HMCN1: variants seen among roughly 807,000 people sequenced by gnomAD.
The protein encoded by HMCN1 is hemicentin 1, also known as hemicentin-1.
In HMCN1, 321 loss-of-function variants were observed where a neutral mutation model predicts 625.9. The observed-to-expected ratio is 0.51, with a 90% CI of 0.47 to 0.56. The LOEUF (loss-of-function observed/expected upper bound fraction) is 0.56, where lower values mean the gene tolerates loss of function less well. Among genes scored for constraint, HMCN1 ranks in the 20% least tolerant of loss-of-function variants. The pLI, the probability that HMCN1 is intolerant of heterozygous loss-of-function variation, is 0.00. For missense variants in HMCN1, 6,588 were observed against 6,887.3 expected, an observed-to-expected ratio of 0.96 and a Z score of 1.54; for synonymous variants, 2,425 against 2,417.6, an observed-to-expected ratio of 1.00 and a Z score of -0.09.
chr1:185,930,513 G>T (rs890009423), intron 10 of HMCN1, among the ~76,000 whole-genome samples: 2 of 152,102 alleles, frequency 1.3e-5, no homozygotes, highest in African/African-American at 4.8e-5. Context: ...AGGAAATAAA[G>T]CATTATTTAA....
intron 16 of HMCN1, among the ~76,000 whole-genome samples, chr1:185,979,466 T>G (rs1006837705): frequency 1.3e-5 from 2 of 152,132 alleles, no homozygotes; most frequent in Non-Finnish European, 2.9e-5. Flanking sequence ...ATAAAAGAGC[T>G]CAATATCTTG....
chr1:186,171,801 A>G (rs1272748360), intron 101 of HMCN1, among the ~76,000 whole-genome samples: 1 of 152,136 alleles, frequency 6.6e-6, no homozygotes, highest in Non-Finnish European at 1.5e-5. Context: ...GCTCTGTAAA[A>G]CAATATTTTG....
intron 22 of HMCN1, among the ~76,000 whole-genome samples, 153 bp downstream of exon 22, chr1:185,990,596 T>C (rs1275462920): frequency 2.0e-5 from 3 of 152,224 alleles, no homozygotes; most frequent in Admixed American, 6.5e-5. Flanking sequence ...GAAGTATTTA[T>C]AACACTGAAT....
chr1:185,771,873 C>T lies in HMCN1; in HGVS notation c.268+36826C>T, dbSNP rs138076327. The stretch of plus-strand genomic sequence containing the variant: ...AATAAAGCTATAATTTGATACATTA[C>T]GTGCTTCAATTAGTATTGTAGTTTT... On this transcript the variant is annotated intron_variant, in intron 1 of 106. Coordinates refer to ENST00000271588, the MANE Select transcript of HMCN1 (RefSeq NM_031935.3). 4.2e-3 allele frequency among the ~76,000 whole-genome samples: 643 copies of T among 152,210 alleles called. 2 individuals carry two copies. Among genetic ancestry groups the T allele is most frequent in the Non-Finnish European group, 7.1e-3 (485 of 68,018 alleles).
intron 4 of HMCN1, among the ~76,000 whole-genome samples, chr1:185,891,786 G>A (rs1223672310): frequency 6.8e-6 from 1 of 147,776 alleles, no homozygotes; most frequent in African/African-American, 2.7e-5. Context: ...ACAATTATGT[G>A]TCTTGGAGTT....
intron 104 of HMCN1, among the ~76,000 whole-genome samples, chr1:186,179,023 A>G (rs1201379723): frequency 6.6e-6 from 1 of 152,250 alleles, no homozygotes; most frequent in Non-Finnish European, 1.5e-5. Flanking sequence ...TGAAGGTGTT[A>G]CTAAACTTAA....
chr1:185,933,130 C>T (rs1667638123), intron 10 of HMCN1, among the ~76,000 whole-genome samples: 1 of 152,064 alleles, frequency 6.6e-6, no homozygotes, highest in Non-Finnish European at 1.5e-5. Flanking sequence ...AAAGATGATA[C>T]TGTCATTTTC....
intron 70 of HMCN1, among the ~76,000 whole-genome samples, chr1:186,107,969 G>A (rs576808913): frequency 9.1e-4 from 135 of 147,712 alleles, no homozygotes; most frequent in Middle Eastern, 7.6e-3. Flanking sequence ...ACTAGGCAGC[G>A]CAAACTGTCT....
chr1:186,036,666 C>T (rs532251365), intron 36 of HMCN1, among the ~76,000 whole-genome samples: 2 of 151,936 alleles, frequency 1.3e-5, no homozygotes, highest in Non-Finnish European at 2.9e-5. Context: ...TCTCAGCTCA[C>T]TGCAACCTCC....
At chr1:186,177,213 G>C (rs548339971) in intron 103 of HMCN1, 11 of 152,282 alleles carry the variant, frequency 7.2e-5, no homozygotes, top group African/African-American at 2.4e-4. Flanking sequence ...GGCTGAGACA[G>C]GAGAATCCCT....
intron 48 of HMCN1, among the ~76,000 whole-genome samples, chr1:186,063,066 G>GTATATATATATATATATATATATATATA (rs1491400415): frequency 3.3e-5 from 1 of 29,942 alleles, no homozygotes; most frequent in African/African-American, 1.8e-4. Flanking sequence ...GTGTGTGTGT[G>GTATATATATATATATATATATATATATA]CATATATATA....
At chr1:185,753,131 GCAAA>G (rs1487375193) in intron 1 of HMCN1, among the ~76,000 whole-genome samples, 12 of 152,046 alleles carry the variant, frequency 7.9e-5, no homozygotes, top group African/African-American at 2.2e-4. Flanking sequence ...TCATTTATTA[GCAAA>G]CAAACAAGCA....
Position 186,144,367 on chromosome 1 carries a change from C to A in HMCN1, c.14095+24C>A, listed in dbSNP as rs1404305730. 5 of 1,610,472 alleles carry A rather than the reference C, an allele frequency of 3.1e-6. No individual in the cohort carries two copies. In the Admixed American group the frequency reaches 5.0e-5, roughly 16 times the overall value. On this transcript the variant is annotated intron_variant, in intron 90 of 106. Coordinates refer to ENST00000271588, the MANE Select transcript of HMCN1 (RefSeq NM_031935.3). The stretch of plus-strand genomic sequence containing the variant: ...AAGTAAGAGAAATACACTGTTTATA[C>A]CTTAATAAATTAACATCTACCTATC...
chr1:185,773,984 G>T (rs1001841457), intron 1 of HMCN1, among the ~76,000 whole-genome samples: 1 of 152,198 alleles, frequency 6.6e-6, no homozygotes, highest in East Asian at 1.9e-4. Flanking sequence ...CTTGTTAAAA[G>T]GATTCAGAAA....
Position 186,016,321 on chromosome 1 carries a change from A to G in HMCN1, c.5191+82A>G, listed in dbSNP as rs901755646. 20 of 1,313,672 alleles carry G rather than the reference A, an allele frequency of 1.5e-5. No homozygotes were observed. In the African/African-American group the frequency reaches 2.5e-4, roughly 16 times the overall value. 81.4% of individuals were successfully genotyped at this position (1,313,672 alleles called of 1,614,324 possible). On this transcript the variant is annotated intron_variant, in intron 32 of 106. Transcript: ENST00000271588. Reference sequence around the variant, plus strand: ...TGTTAAATACTTTTTTGTTCATGCAATAATAAAACAATCTAAAAGAAGGTA... The same window carrying G: ...TGTTAAATACTTTTTTGTTCATGCAGTAATAAAACAATCTAAAAGAAGGTA...
rs1319982318 is a variant in HMCN1, at chr1:186,172,109, G to C, written c.15792G>C (p.Lys5264Asn). 3 of 1,613,836 alleles carry C rather than the reference G, an allele frequency of 1.9e-6. No individual in the cohort carries two copies. Among genetic ancestry groups the C allele is most frequent in the Non-Finnish European group, 2.5e-6 (3 of 1,179,758 alleles). ...CIDLCPNGMT[K>N]AENGTCIDID... is the part of the protein sequence containing the mutation. ...ATCTTTGTCCAAATGGAATGACCAA[G>C]GCAGAAAATGGAACCTGTATTGGTG... The change falls in exon 102 of 107, where the codon AAG becomes AAC. Residue 5264 changes from lysine (K) to asparagine (N), a missense_variant. By Grantham distance (94) the Lys-to-Asn change is moderately conservative (BLOSUM62 0). Transcript: ENST00000271588.
chr1:185,877,317 CTTTCTTT>C lies in HMCN1; in HGVS notation c.621+11458_621+11464del, dbSNP rs1219430608. 2.8e-3 allele frequency among the ~76,000 whole-genome samples: 121 copies of C among 42,748 alleles called. 1 individual carries two copies. The highest frequency in any genetic ancestry group is 8.9e-3 in the African/African-American group (117 of 13,076). The allele number at this position is 42,748 out of a possible 152,430, so 28.0% of individuals were successfully genotyped here. ...CATTCTATTTCATTGATCTATGTGT[CTTTCTTT>C]TTTTTTTTTTTTTTTTTTTTTTTTT... On this transcript the variant is annotated intron_variant, in intron 4 of 106. Transcript: ENST00000271588.
chr1:186,051,787 G>T (rs1373617419), intron 42 of HMCN1, among the ~76,000 whole-genome samples: 1 of 152,026 alleles, frequency 6.6e-6, no homozygotes, highest in Non-Finnish European at 1.5e-5. Flanking sequence ...TAGGCAGCTG[G>T]ATAGGGGGAC....
rs766443510 is a variant in HMCN1 at position 186,088,696 on chromosome 1, C to T, written c.9668C>T (p.Thr3223Ile). The stretch of plus-strand genomic sequence containing the variant: ...CAGCATTCAGATAGTGGAAACTATA[C>T]ATGTATTGCTTCAAATATGGAGGGA... Reference protein sequence around the residue: ...RSQHSDSGNYTCIASNMEGKA... With the variant: ...RSQHSDSGNYICIASNMEGKA... The change falls in exon 63 of 107, where the codon ACA becomes ATA. Residue 3223 changes from threonine to isoleucine, a missense_variant. Thr to Ile is a moderately conservative substitution (Grantham distance 89). Transcript: ENST00000271588. 6 of 1,611,470 alleles carry T rather than the reference C, an allele frequency of 3.7e-6. No individual in the cohort carries two copies. The highest frequency in any genetic ancestry group is 1.7e-5 in the Admixed American group (1 of 59,728).
Sources: gnomAD v4.1 joint callset for allele counts (sites outside exome capture counted in the v4.1 genomes callset) on GRCh38, gnomAD v4.1.1 for gene constraint, MANE v1.5 for transcripts, NCBI Gene and HGNC (gene_info 2026-07-23, HGNC 2026-07-21) for gene names.